The following PRKG1 variants were observed in gnomAD, a reference collection of about 807,000 sequenced individuals.
PRKG1 encodes cGMP-dependent protein kinase 1.
In PRKG1, 35 loss-of-function variants were observed where a neutral mutation model predicts 88.1. The ratio of observed to expected loss-of-function variants is 0.40; its 90% CI spans 0.30 to 0.53. The LOEUF (loss-of-function observed/expected upper bound fraction) is 0.53, where lower values mean the gene tolerates loss of function less well. Among genes scored for constraint, PRKG1 ranks in the 20% least tolerant of loss-of-function variants. The pLI, the probability that PRKG1 is intolerant of heterozygous loss-of-function variation, is 0.59. For missense variants in PRKG1, 540 were observed against 839.8 expected, an observed-to-expected ratio of 0.64 and a Z score of 4.41; for synonymous variants, 303 against 292.5, an observed-to-expected ratio of 1.04 and a Z score of -0.37.
intron 7 of PRKG1, among the ~76,000 whole-genome samples, chr10:52,105,854 G>T (rs1283915764): frequency 6.6e-6 from 1 of 151,768 alleles, no homozygotes; most frequent in Non-Finnish European, 1.5e-5. Context: ...TTGGGAGACA[G>T]GTGGTTTTTG....
At chr10:51,589,268 G>C (rs377315623) in intron 3 of PRKG1, among the ~76,000 whole-genome samples, 7 of 152,104 alleles carry the variant, frequency 4.6e-5, no homozygotes, top group Non-Finnish European at 8.8e-5. Context: ...TGTGTGTAAG[G>C]TTTCATAGCA....
intron 7 of PRKG1, among the ~76,000 whole-genome samples, chr10:52,072,158 C>CTTTTTTTTTTTTTTTTTTTTTTTTTTCT (rs60576406): frequency 5.1e-5 from 2 of 39,556 alleles, no homozygotes; most frequent in Admixed American, 4.5e-4. Flanking sequence ...TATTGTTTTG[C>CTTTTTTTTTTTTTTTTTTTTTTTTTTCT]TTTTTTTTTT....
chr10:51,799,240 C>T (rs1839099834), intron 3 of PRKG1, among the ~76,000 whole-genome samples: 1 of 152,036 alleles, frequency 6.6e-6, no homozygotes, highest in Admixed American at 6.6e-5. Context: ...GCTTTAAACC[C>T]TTCCGTGCCC....
At chr10:52,289,036 TC>T in intron 16 of PRKG1, 43 bp downstream of exon 16, 1 of 1,538,812 alleles carries the variant, frequency 6.5e-7, no homozygotes, top group Admixed American at 1.8e-5. Context: ...TGACATCATT[TC>T]CCCAGGGTGT....
At chr10:51,387,192 A>G (rs1048777910) in intron 2 of PRKG1, among the ~76,000 whole-genome samples, 2 of 151,968 alleles carry the variant, frequency 1.3e-5, no homozygotes, top group African/African-American at 4.8e-5. Flanking sequence ...TGTCTACAGG[A>G]CAAGCAGCCC....
chr10:51,212,676 C>A (rs1260960763), intron 2 of PRKG1, among the ~76,000 whole-genome samples: 1 of 152,078 alleles, frequency 6.6e-6, no homozygotes, highest in Non-Finnish European at 1.5e-5. Context: ...AGACACTTGT[C>A]AAAAGAAGAC....
At chr10:51,982,650 T>C (rs1844039646) in intron 5 of PRKG1, among the ~76,000 whole-genome samples, 1 of 152,178 alleles carries the variant, frequency 6.6e-6, no homozygotes, top group Non-Finnish European at 1.5e-5. Context: ...CAAACTTTGT[T>C]CTCTGTCTCC....
At chr10:51,193,759 A>G (rs1204087162) in intron 2 of PRKG1, among the ~76,000 whole-genome samples, 1 of 152,106 alleles carries the variant, frequency 6.6e-6, no homozygotes, top group Non-Finnish European at 1.5e-5. Context: ...AAAAAGGTTA[A>G]TGTTCTCAAA....
intron 1 of PRKG1, among the ~76,000 whole-genome samples, chr10:51,135,175 A>C (rs1845658520): frequency 6.6e-6 from 1 of 152,210 alleles, no homozygotes; most frequent in South Asian, 2.1e-4. Context: ...TGGCTGAATC[A>C]GTGGAGGATG....
At chr10:51,685,303 C>T (rs1290922088) in intron 3 of PRKG1, among the ~76,000 whole-genome samples, 2 of 152,170 alleles carry the variant, frequency 1.3e-5, no homozygotes, top group Non-Finnish European at 2.9e-5. Flanking sequence ...AGTCAACTTC[C>T]TCCAATTTTA....
intron 2 of PRKG1, among the ~76,000 whole-genome samples, chr10:51,367,401 G>A (rs937404319): frequency 3.9e-5 from 6 of 151,904 alleles, no homozygotes; most frequent in Admixed American, 1.3e-4. Context: ...GAGGTGTGTC[G>A]ATATGCAGAA....
intron 9 of PRKG1, among the ~76,000 whole-genome samples, chr10:52,209,728 T>A (rs1202748292): frequency 6.6e-6 from 1 of 152,016 alleles, no homozygotes; most frequent in East Asian, 1.9e-4. Context: ...GGCAGCACCA[T>A]CCATCCCCTT....
chr10:52,062,455 C>T (rs541031587), intron 6 of PRKG1, 82 bp from the exon 7 acceptor site: 100 of 779,720 alleles, frequency 1.3e-4, no homozygotes, highest in African/African-American at 7.5e-4. Flanking sequence ...AAACAAGAAA[C>T]GGAATTAACT....
At chr10:51,782,651 TG>T (rs1225718842) in intron 3 of PRKG1, among the ~76,000 whole-genome samples, 1 of 152,064 alleles carries the variant, frequency 6.6e-6, no homozygotes, top group Non-Finnish European at 1.5e-5. Flanking sequence ...TAACTGAATC[TG>T]GGGGTGGTTT....
At chr10:52,211,699 T>TAAAAAAAAAAA (rs57320498) in intron 9 of PRKG1, among the ~76,000 whole-genome samples, 1 of 119,968 alleles carries the variant, frequency 8.3e-6, no homozygotes, top group Non-Finnish European at 1.8e-5. Flanking sequence ...CCTATCCTGG[T>TAAAAAAAAAAA]AAAAAAAAAA....
At position 51,635,285 on chromosome 10, in the gene PRKG1, C is replaced by CA. The variant is rs141088007; in HGVS notation, c.592+167466dup. On this transcript the variant is annotated intron_variant, in intron 3 of 17. Transcript: ENST00000373980. ...AATGTGATGACCTTAATTATTTTAG[C>CA]AAAAAAAAAAAAAAAAAGAGGTTAG... is the stretch of plus-strand genomic sequence containing the variant. Among the ~76,000 whole-genome samples the CA allele has an allele frequency of 7.3e-3, 792 of 108,736 alleles. 2 individuals are homozygous for CA. The highest frequency in any genetic ancestry group is 0.023 in the East Asian group (63 of 2,754). The allele number at this position is 108,736 out of a possible 152,430, so 71.3% of individuals were successfully genotyped here.
chr10:51,913,493 TTATA>T (rs879713824), intron 5 of PRKG1, among the ~76,000 whole-genome samples: 1 of 152,198 alleles, frequency 6.6e-6, no homozygotes, highest in Admixed American at 6.5e-5. Context: ...TCTCTTTCCT[TTATA>T]TAACATACTA....
intron 5 of PRKG1, 79 bp from the exon 6 acceptor site, chr10:52,054,405 G>A (rs750323099): frequency 7.1e-6 from 7 of 990,910 alleles, no homozygotes; most frequent in South Asian, 1.3e-5. Context: ...TATCCCTGGG[G>A]GTTGATATTT....
rs1368389184 is a variant in PRKG1, at chr10:51,112,037, G to A, written c.311+37136G>A. Reference sequence around the variant, plus strand: ...CTGAAAGCATTGTTTTATGGATGGCGTGTAAGGTAGGAAATAGGTTAAGTA... The same window carrying A: ...CTGAAAGCATTGTTTTATGGATGGCATGTAAGGTAGGAAATAGGTTAAGTA... On this transcript the variant is annotated intron_variant, in intron 1 of 17. Coordinates refer to ENST00000373980, the MANE Select transcript of PRKG1 (RefSeq NM_006258.4). Among the ~76,000 whole-genome samples, 6 of 152,260 alleles carry A rather than the reference G, an allele frequency of 3.9e-5. No homozygotes were observed. The East Asian group carries it at 5.8e-4, about 15-fold the overall frequency.
Sources: gnomAD v4.1 joint callset for allele counts (sites outside exome capture counted in the v4.1 genomes callset) on GRCh38, gnomAD v4.1.1 for gene constraint, MANE v1.5 for transcripts, NCBI Gene and HGNC (gene_info 2026-07-23, HGNC 2026-07-21) for gene names.